GAS2: variants seen among roughly 807,000 people sequenced by gnomAD.
The protein encoded by GAS2 is growth arrest-specific protein 2.
Under a neutral mutation model 37.5 loss-of-function variants are expected in GAS2, and 20 were observed. The ratio of observed to expected loss-of-function variants is 0.53; its 90% confidence interval spans 0.37 to 0.77. The LOEUF is 0.77. Among genes scored for constraint, GAS2 ranks in the 30% least tolerant of loss-of-function variants. The probability of loss-of-function intolerance (pLI) is 0.00; values close to 1 mark genes in which losing one functional copy is unlikely to be tolerated. For missense variants in GAS2, 336 were observed against 373.4 expected, an observed-to-expected ratio of 0.90 and a Z score of 0.82; for synonymous variants, 144 against 132.2, an observed-to-expected ratio of 1.09 and a Z score of -0.61.
intron 2 of GAS2, among the ~76,000 whole-genome samples, chr11:22,678,719 A>G (rs1008654981): frequency 1.2e-4 from 18 of 152,024 alleles, no homozygotes; most frequent in African/African-American, 3.9e-4. Flanking sequence ...TAAACTGTCT[A>G]TTAAAAATAT....
chr11:22,676,049 A>G (rs1407470066), intron 2 of GAS2, among the ~76,000 whole-genome samples: 1 of 151,980 alleles, frequency 6.6e-6, no homozygotes, highest in East Asian at 1.9e-4. Context: ...TTTATCCTAT[A>G]TTTCTTTTTT....
rs1564889865 is a variant in GAS2 at position 22,789,429 on chromosome 11, T to TATAA, written c.724-22366_724-22365insAATA. 2.2e-4 allele frequency among the ~76,000 whole-genome samples: 19 copies of TATAA among 86,808 alleles called. 2 individuals are homozygous for TATAA. The highest frequency in any genetic ancestry group is 4.9e-4 in the African/African-American group (10 of 20,312). 56.9% of individuals were successfully genotyped at this position (86,808 alleles called of 152,430 possible). On this transcript the variant is annotated intron_variant, in intron 7 of 7. Transcript: ENST00000454584. ...ATGTGTGTGTATCTCATATGAGATA[T>TATAA]ATATATATATATATATATATATATA... is the stretch of plus-strand genomic sequence containing the variant.
intron 3 of GAS2, among the ~76,000 whole-genome samples, chr11:22,697,457 G>A (rs7943859): frequency 0.64 from 96,978 of 151,930 alleles, 34,456 homozygotes; most frequent in Non-Finnish European, 0.8. Context: ...GAACTTTAAA[G>A]TAGTTTTTTC....
intron 1 of GAS2, among the ~76,000 whole-genome samples, chr11:22,640,166 T>A (rs947710958): frequency 6.6e-6 from 1 of 152,194 alleles, no homozygotes; most frequent in Non-Finnish European, 1.5e-5. Flanking sequence ...CAGATCTAAA[T>A]GTTGCCCACA....
intron 4 of GAS2, among the ~76,000 whole-genome samples, 186 bp downstream of exon 4, chr11:22,726,619 A>G (rs1852229576): frequency 6.6e-6 from 1 of 152,146 alleles, no homozygotes; most frequent in African/African-American, 2.4e-5. Context: ...AAAAATGAAT[A>G]TGCCCTCTTA....
chr11:22,762,232 G>A (rs1338902080), intron 7 of GAS2, among the ~76,000 whole-genome samples: 1 of 152,128 alleles, frequency 6.6e-6, no homozygotes, highest in Non-Finnish European at 1.5e-5. Context: ...ATTTGGAAAT[G>A]ATTTTCAAGG....
At chr11:22,787,554 G>A (rs1412714741) in intron 7 of GAS2, among the ~76,000 whole-genome samples, 1 of 151,546 alleles carries the variant, frequency 6.6e-6, no homozygotes, top group East Asian at 1.9e-4. Flanking sequence ...ATGTGCTGGA[G>A]TGACAAGTAG....
chr11:22,677,217 ATCT>A lies in GAS2; in HGVS notation c.145+2208_145+2210del, dbSNP rs965238830. Reference sequence around the variant, plus strand: ...GGCAAAGGATCAGAGGGCTTGGGAAATCTTCTTTATGGGAACGTATATTTAAAC... The same window carrying A: ...GGCAAAGGATCAGAGGGCTTGGGAAATCTTTATGGGAACGTATATTTAAAC... On this transcript the variant is annotated intron_variant, in intron 2 of 7. Transcript: ENST00000454584. Among the ~76,000 whole-genome samples, 18 of 152,158 alleles carry A rather than the reference ATCT, an allele frequency of 1.2e-4. 1 individual carries two copies. The highest frequency in any genetic ancestry group is 3.6e-4 in the African/African-American group (15 of 41,432).
chr11:22,771,607 G>GT (rs1190090231), intron 7 of GAS2, among the ~76,000 whole-genome samples: 1 of 152,062 alleles, frequency 6.6e-6, no homozygotes, highest in African/African-American at 2.4e-5. Context: ...CTCATTTTTA[G>GT]TTTTTAAATA....
chr11:22,786,657 G>T (rs1181227579), intron 7 of GAS2, among the ~76,000 whole-genome samples: 1 of 152,144 alleles, frequency 6.6e-6, no homozygotes, highest in African/African-American at 2.4e-5. Flanking sequence ...TGTTGGCCTT[G>T]TGTGGAAATA....
intron 7 of GAS2, among the ~76,000 whole-genome samples, chr11:22,757,011 C>T (rs546140844): frequency 2.2e-4 from 34 of 152,082 alleles, no homozygotes; most frequent in African/African-American, 8.2e-4. Flanking sequence ...TAAATTTTAC[C>T]GGGTTGACCT....
intron 5 of GAS2, among the ~76,000 whole-genome samples, chr11:22,745,118 C>CCAA (rs1853312067): frequency 1.6e-5 from 2 of 129,018 alleles, no homozygotes; most frequent in Non-Finnish European, 3.2e-5. Context: ...CATTTGGAAC[C>CCAA]AAAAAAAAAA....
At chr11:22,637,841 A>G (rs1858858005) in intron 1 of GAS2, among the ~76,000 whole-genome samples, 1 of 149,456 alleles carries the variant, frequency 6.7e-6, no homozygotes, top group Non-Finnish European at 1.5e-5. Context: ...TTGAAGCCCA[A>G]AGCTGCCACA....
chr11:22,650,283 T>C (rs374638953), intron 1 of GAS2, among the ~76,000 whole-genome samples: 6 of 150,240 alleles, frequency 4.0e-5, no homozygotes, highest in Non-Finnish European at 5.9e-5. Context: ...GTCTGAGAGA[T>C]AGTTTGTTAT....
intron 3 of GAS2, among the ~76,000 whole-genome samples, chr11:22,713,826 G>A (rs1400753348): frequency 6.6e-6 from 1 of 152,156 alleles, no homozygotes; most frequent in Admixed American, 6.5e-5. Context: ...CCACTACCAA[G>A]CCAGCATATA....
intron 1 of GAS2, among the ~76,000 whole-genome samples, chr11:22,674,279 T>C (rs138772298): frequency 1.9e-3 from 294 of 151,996 alleles, no homozygotes; most frequent in African/African-American, 6.8e-3. Flanking sequence ...TGGTAGAGAG[T>C]CTTTGGGTGT....
At chr11:22,653,677 C>T (rs183273754) in intron 1 of GAS2, among the ~76,000 whole-genome samples, 317 of 152,276 alleles carry the variant, frequency 2.1e-3, no homozygotes, top group African/African-American at 7.3e-3. Context: ...AAGACCTAGT[C>T]TAAGAGAAAA....
intron 7 of GAS2, among the ~76,000 whole-genome samples, chr11:22,778,037 A>C (rs1855353497): frequency 6.6e-6 from 1 of 152,186 alleles, no homozygotes; most frequent in African/African-American, 2.4e-5. Context: ...CTATTAATGG[A>C]ATAGAGGGAA....
At chr11:22,664,582 A>C (rs572845258), upstream of GAS2, among the ~76,000 whole-genome samples, 5 of 152,274 alleles carry the variant, frequency 3.3e-5, no homozygotes, top group South Asian at 1.0e-3. Flanking sequence ...ATCTTATTGA[A>C]GTATTTGCTT....
Sources: allele counts gnomAD v4.1 joint callset (sites outside exome capture counted in the v4.1 genomes callset), GRCh38; gene constraint gnomAD v4.1.1; transcripts MANE v1.5; gene names NCBI Gene and HGNC (gene_info 2026-07-23, HGNC 2026-07-21).